VIT: variants seen among roughly 807,000 people sequenced by gnomAD.
The protein encoded by VIT is vitrin.
VIT carries 99 observed loss-of-function variants against 78.0 expected under a neutral mutation model. The ratio of observed to expected loss-of-function variants is 1.27; its 90% CI spans 1.08 to 1.50. The LOEUF (loss-of-function observed/expected upper bound fraction) is 1.50. VIT is among the 40% of genes most tolerant of loss of function. The pLI is 0.00. For missense variants in VIT, 1,126 were observed against 875.3 expected, an observed-to-expected ratio of 1.29 and a Z score of -3.61; for synonymous variants, 374 against 334.3, an observed-to-expected ratio of 1.12 and a Z score of -1.29.
intron 15 of VIT, among the ~76,000 whole-genome samples, chr2:36,812,699 A>T (rs1336630944): frequency 2.0e-5 from 3 of 151,728 alleles, no homozygotes; most frequent in Non-Finnish European, 4.4e-5. Context: ...CCACCTACTG[A>T]CTCCCTTTCA....
At chr2:36,719,542 C>G (rs1666365217) in intron 2 of VIT, among the ~76,000 whole-genome samples, 1 of 151,752 alleles carries the variant, frequency 6.6e-6, no homozygotes, top group Non-Finnish European at 1.5e-5. Context: ...TAACAATGAA[C>G]TATCTGAAAA....
At chr2:36,772,718 T>TAAACAAAC in intron 7 of VIT, among the ~76,000 whole-genome samples, 1 of 152,204 alleles carries the variant, frequency 6.6e-6, no homozygotes, top group East Asian at 1.9e-4. Context: ...AAACAAAAAA[T>TAAACAAAC]AAACAAACAA....
intron 2 of VIT, among the ~76,000 whole-genome samples, chr2:36,722,588 T>C (rs1222461591): frequency 1.3e-5 from 2 of 152,214 alleles, no homozygotes; most frequent in Non-Finnish European, 1.5e-5. Context: ...GCTTTATAAA[T>C]TGGTTTTCAA....
At chr2:36,713,097 A>G (rs1665905534) in intron 1 of VIT, among the ~76,000 whole-genome samples, 1 of 152,244 alleles carries the variant, frequency 6.6e-6, no homozygotes, top group Admixed American at 6.5e-5. Flanking sequence ...TGATAAGTCA[A>G]TGGAGAAGAA....
chr2:36,776,587 G>A (rs1205808170), intron 9 of VIT, among the ~76,000 whole-genome samples: 1 of 151,392 alleles, frequency 6.6e-6, no homozygotes, highest in Non-Finnish European at 1.5e-5. Context: ...GATCATTTGA[G>A]CTCAAGAGTT....
chr2:36,721,643 G>A (rs1351810473), intron 2 of VIT, among the ~76,000 whole-genome samples: 2 of 152,112 alleles, frequency 1.3e-5, no homozygotes, highest in East Asian at 1.9e-4. Context: ...TTCCTGATAT[G>A]GCTCTTGCTC....
Position 36,696,781 on chromosome 2 carries a change from A to T in VIT, c.-211A>T, listed in dbSNP as rs1317242897. 1 of 151,964 alleles carries T rather than the reference A, an allele frequency of 6.6e-6. No homozygotes were observed. The highest frequency in any genetic ancestry group is 2.4e-5 in the African/African-American group (1 of 41,364). 9.4% of individuals were successfully genotyped at this position (151,964 alleles called of 1,614,324 possible). A position where few individuals can be genotyped will look rare whatever the true frequency, so the allele number is the denominator to read the frequency against. On this transcript the variant is annotated 5_prime_UTR_variant, in exon 1 of 16. The change creates a premature stop within an existing upstream ORF in the 5' untranslated region. Coordinates refer to ENST00000379242, the MANE Select transcript of VIT (RefSeq NM_053276.4). ...GGGGGGGTGTAAAATGTGTTTTTCA[A>T]AGTACTGAGAGGTTGATGGGACTGT...
chr2:36,785,698 G>C (rs1164094276), intron 11 of VIT, among the ~76,000 whole-genome samples: 1 of 152,126 alleles, frequency 6.6e-6, no homozygotes, highest in East Asian at 1.9e-4. Context: ...CTGAGCCAAG[G>C]TACAAACAGG....
intron 3 of VIT, among the ~76,000 whole-genome samples, chr2:36,742,344 C>G (rs904000325): frequency 3.9e-5 from 6 of 152,132 alleles, no homozygotes; most frequent in African/African-American, 1.4e-4. Flanking sequence ...AAAGCCAAAA[C>G]AGAGGGAGGG....
chr2:36,713,100 G>C (rs1665905840), intron 1 of VIT, among the ~76,000 whole-genome samples: 1 of 152,200 alleles, frequency 6.6e-6, no homozygotes, highest in Non-Finnish European at 1.5e-5. Flanking sequence ...TAAGTCAATG[G>C]AGAAGAAGAC....
chr2:36,769,466 A>T (rs13001015), intron 7 of VIT, among the ~76,000 whole-genome samples: 3 of 151,868 alleles, frequency 2.0e-5, no homozygotes, highest in South Asian at 2.1e-4. Context: ...CCTTGTCCAG[A>T]GCCCACTTCT....
intron 1 of VIT, among the ~76,000 whole-genome samples, chr2:36,709,246 A>G (rs1017117895): frequency 3.3e-4 from 50 of 152,222 alleles, no homozygotes; most frequent in African/African-American, 1.2e-3. Context: ...AGCTATGGCA[A>G]GGGGAGAAAT....
At position 36,722,840 on chromosome 2, in the gene VIT, T is replaced by C. The variant is rs1321898388; in HGVS notation, c.52+6418T>C. 2.6e-5 allele frequency among the ~76,000 whole-genome samples: 4 copies of C among 152,200 alleles called. No individual in the cohort carries two copies. The South Asian group carries it at 8.3e-4, about 31-fold the overall frequency. Reference sequence around the variant, plus strand: ...GAAAACTGGAAAACATGAGCACAGATTAATCATGCCAATAATTTTAGAAAG... The same window carrying C: ...GAAAACTGGAAAACATGAGCACAGACTAATCATGCCAATAATTTTAGAAAG... On this transcript the variant is annotated intron_variant, in intron 2 of 15. Coordinates refer to ENST00000379242, the MANE Select transcript of VIT (RefSeq NM_053276.4).
At position 36,767,303 on chromosome 2, in the gene VIT, G is replaced by A. The variant is rs745889195; in HGVS notation, c.679+18G>A. The A allele has an allele frequency of 6.7e-7, 1 of 1,502,786 alleles. No individual in the cohort carries two copies. Among genetic ancestry groups the A allele is most frequent in the Non-Finnish European group, 8.9e-7 (1 of 1,125,270 alleles). 93.1% of individuals were successfully genotyped at this position (1,502,786 alleles called of 1,614,324 possible). Reference sequence around the variant, plus strand: ...GGAGATGGGTCAGTAGGTAGACCATGTGTTGCTTTGTGCTAGGGAAATGGG... The same window carrying A: ...GGAGATGGGTCAGTAGGTAGACCATATGTTGCTTTGTGCTAGGGAAATGGG... On this transcript the variant is annotated intron_variant, in intron 7 of 15. Coordinates refer to ENST00000379242, the MANE Select transcript of VIT (RefSeq NM_053276.4).
In VIT at chr2:36,808,456, C is replaced by G; in HGVS notation, c.1390-16C>G. The G allele has an allele frequency of 6.3e-7, 1 of 1,587,262 alleles. No homozygotes were observed. Among genetic ancestry groups the G allele is most frequent in the East Asian group, 2.3e-5 (1 of 44,304 alleles). On this transcript the variant is annotated splice_polypyrimidine_tract_variant and intron_variant, in intron 14 of 15. Coordinates refer to ENST00000379242, the MANE Select transcript of VIT (RefSeq NM_053276.4). ...TGACCCTGACGTGGCGTGGGTCCCT[C>G]CCCTCTGTCTTCTAGGCCGTGTGCA...
At chr2:36,767,063 T>A in intron 6 of VIT, 31 bp from the exon 7 acceptor site, 1 of 1,537,096 alleles carries the variant, frequency 6.5e-7, no homozygotes, top group Non-Finnish European at 8.8e-7. Context: ...GGTTATTTTG[T>A]GGGCCTTGGT....
chr2:36,721,009 TC>T (rs1434826949), intron 2 of VIT, among the ~76,000 whole-genome samples: 5 of 133,108 alleles, frequency 3.8e-5, no homozygotes, highest in African/African-American at 1.3e-4. Flanking sequence ...AGACTCCATC[TC>T]AAAAAAAAAA....
intron 9 of VIT, 49 bp downstream of exon 9, chr2:36,775,116 T>C (rs1669975268): frequency 6.2e-7 from 1 of 1,606,344 alleles, no homozygotes; most frequent in Non-Finnish European, 8.5e-7. Flanking sequence ...ATTTGCTCTG[T>C]GGCACTTTGC....
chr2:36,775,878 G>A (rs1670017147), intron 9 of VIT, among the ~76,000 whole-genome samples: 1 of 152,150 alleles, frequency 6.6e-6, no homozygotes, highest in Non-Finnish European at 1.5e-5. Flanking sequence ...GAAGCCATTT[G>A]CACACCCTGA....
Sources: gnomAD v4.1 joint callset for allele counts (sites outside exome capture counted in the v4.1 genomes callset) on GRCh38, gnomAD v4.1.1 for gene constraint, MANE v1.5 for transcripts, NCBI Gene and HGNC (gene_info 2026-07-23, HGNC 2026-07-21) for gene names.